GAB2: variants seen among roughly 807,000 people sequenced by gnomAD.
The protein encoded by GAB2 is GRB2 associated binding protein 2.
Under a neutral mutation model 65.5 loss-of-function variants are expected in GAB2, and 26 were observed. The observed-to-expected ratio is 0.40, with a 90% CI of 0.29 to 0.55. The LOEUF is 0.55. Among genes scored for constraint, GAB2 ranks in the 20% least tolerant of loss-of-function variants. GAB2 has a pLI of 0.53. For missense variants in GAB2, 884 were observed against 875.8 expected (o/e 1.01, Z -0.12); for synonymous variants, 321 against 329.6 (o/e 0.97, Z 0.28).
intron 1 of GAB2, among the ~76,000 whole-genome samples, chr11:78,380,197 T>C (rs571811992): frequency 1.4e-5 from 2 of 142,392 alleles, no homozygotes; most frequent in South Asian, 2.3e-4. Flanking sequence ...TAATTGTGAA[T>C]GACATTGAAT....
At chr11:78,293,059 A>G (rs1410604458) in intron 1 of GAB2, among the ~76,000 whole-genome samples, 2 of 152,234 alleles carry the variant, frequency 1.3e-5, no homozygotes, top group Non-Finnish European at 2.9e-5. Context: ...GAGTTTATGA[A>G]TTCAAGTTTA....
rs1338615542 is a variant in GAB2 at position 78,344,873 on chromosome 11, T to A, written c.76-63972A>T. On this transcript the variant is annotated intron_variant, in intron 1 of 9. Transcript: ENST00000361507. ...TGAAAATCTAGGAAGACAAAGGGTC[T>A]AATGTCTTGGTGGCACAAAAGTGGT... 2.6e-5 allele frequency among the ~76,000 whole-genome samples: 4 copies of A among 152,228 alleles called. No homozygotes were observed. The East Asian group carries it at 7.7e-4, about 29-fold the overall frequency.
intron 1 of GAB2, among the ~76,000 whole-genome samples, chr11:78,338,172 G>A (rs1460923089): frequency 6.6e-6 from 1 of 152,188 alleles, no homozygotes; most frequent in African/African-American, 2.4e-5. Context: ...TCAATTCAAT[G>A]CCAGACACTG....
intron 3 of GAB2, among the ~76,000 whole-genome samples, chr11:78,237,959 T>A (rs1340784245): frequency 6.6e-6 from 1 of 152,146 alleles, no homozygotes; most frequent in Non-Finnish European, 1.5e-5. Context: ...TTCTCACTTA[T>A]AAGTGGGAGC....
intron 1 of GAB2, among the ~76,000 whole-genome samples, chr11:78,282,456 C>G (rs1866362267): frequency 6.6e-6 from 1 of 151,892 alleles, no homozygotes; most frequent in Non-Finnish European, 1.5e-5. Flanking sequence ...TTACAGATGC[C>G]CACCACCACA....
intron 1 of GAB2, among the ~76,000 whole-genome samples, chr11:78,294,583 T>C (rs1866773855): frequency 6.6e-6 from 1 of 152,148 alleles, no homozygotes; most frequent in Non-Finnish European, 1.5e-5. Context: ...ACCTGTTGTT[T>C]CCTGATTTTT....
At chr11:78,391,966 T>C (rs1282148900) in intron 1 of GAB2, among the ~76,000 whole-genome samples, 1 of 152,062 alleles carries the variant, frequency 6.6e-6, no homozygotes, top group African/African-American at 2.4e-5. Context: ...ACTGCCTGGG[T>C]GCAGTAGCTC....
At chr11:78,311,609 C>T (rs1855500837) in intron 1 of GAB2, among the ~76,000 whole-genome samples, 1 of 152,186 alleles carries the variant, frequency 6.6e-6, no homozygotes, top group Admixed American at 6.5e-5. Flanking sequence ...GCCACTATAA[C>T]ATAACAACAA....
At chr11:78,342,008 G>C (rs1319089675) in intron 1 of GAB2, 1 of 333,198 alleles carries the variant, frequency 3.0e-6, no homozygotes, top group Non-Finnish European at 4.3e-6. Context: ...ACAACAAACT[G>C]TGCCTAATGA....
intron 1 of GAB2, among the ~76,000 whole-genome samples, chr11:78,397,873 A>G (rs537785699): frequency 6.6e-6 from 1 of 152,192 alleles, no homozygotes; most frequent in Non-Finnish European, 1.5e-5. Flanking sequence ...TAGCCTCAAT[A>G]AGTTATAGTC....
At chr11:78,240,195 TC>T (rs1865089391) in intron 3 of GAB2, among the ~76,000 whole-genome samples, 1 of 151,968 alleles carries the variant, frequency 6.6e-6, no homozygotes, top group African/African-American at 2.4e-5. Context: ...GTGCACTGAC[TC>T]CCCAGAATGA....
In GAB2 at chr11:78,412,138, CA is replaced by C. The variant is rs199965865; in HGVS notation, c.75+5507del. ...GGGTAACAAGAGCAAAACTCCATCT[CA>C]AAAAAAAAAAACCTATATATAAAAT... On this transcript the variant is annotated intron_variant, in intron 1 of 9. Coordinates refer to ENST00000361507, the MANE Select transcript of GAB2 (RefSeq NM_080491.3). 7.5e-3 allele frequency among the ~76,000 whole-genome samples: 1,053 copies of C among 139,934 alleles called. 10 individuals are homozygous for C. The highest frequency in any genetic ancestry group is 0.024 in the African/African-American group (926 of 37,956). The allele number at this position is 139,934 out of a possible 152,430, so 91.8% of individuals were successfully genotyped here. A position where few individuals can be genotyped will look rare whatever the true frequency, so the allele number is the denominator to read the frequency against.
chr11:78,265,248 T>C (rs548327967), intron 2 of GAB2, among the ~76,000 whole-genome samples: 15 of 149,216 alleles, frequency 1.0e-4, no homozygotes, highest in African/African-American at 3.4e-4. Context: ...AATCATAAAG[T>C]GATTTTTATA....
At chr11:78,231,172 A>G (rs974183731) in intron 3 of GAB2, among the ~76,000 whole-genome samples, 2 of 152,234 alleles carry the variant, frequency 1.3e-5, no homozygotes, top group Non-Finnish European at 2.9e-5. Flanking sequence ...ACAAGCACGT[A>G]TGGGAGCTCC....
chr11:78,225,159 C>T lies in GAB2; in HGVS notation c.1251G>A (p.Glu417=). 1.9e-6 allele frequency: 3 copies of T among 1,613,816 alleles called. No individual in the cohort carries two copies. The highest frequency in any genetic ancestry group is 1.7e-5 in the Admixed American group (1 of 60,028). The change falls in exon 5 of 10, where the codon GAG becomes GAA. Residue 417 remains glutamate, a synonymous_variant. Transcript: ENST00000361507. ...ETYEYPQRGG[E]SAGRSAESMS... is the part of the protein sequence containing the mutation. Reference sequence around the variant, plus strand: ...TGGATTCAGCAGACCGGCCTGCACTCTCTCCACCACGCTGTGGGTACTCGT... The same window carrying T: ...TGGATTCAGCAGACCGGCCTGCACTTTCTCCACCACGCTGTGGGTACTCGT...
chr11:78,385,909 C>T (rs1856759699), intron 1 of GAB2, among the ~76,000 whole-genome samples: 1 of 152,138 alleles, frequency 6.6e-6, no homozygotes, highest in African/African-American at 2.4e-5. Context: ...TCATGCCTAG[C>T]ACAAGACTGA....
intron 2 of GAB2, among the ~76,000 whole-genome samples, chr11:78,266,812 G>A (rs1332040798): frequency 1.3e-5 from 2 of 152,212 alleles, no homozygotes; most frequent in Non-Finnish European, 2.9e-5. Context: ...ACTGAAAGCA[G>A]GTCCATGTCT....
chr11:78,304,654 G>A (rs1029669700), intron 1 of GAB2, among the ~76,000 whole-genome samples: 4 of 152,194 alleles, frequency 2.6e-5, no homozygotes, highest in Non-Finnish European at 4.4e-5. Flanking sequence ...TTAGCCCTCA[G>A]AGAAACTGTA....
intron 3 of GAB2, among the ~76,000 whole-genome samples, chr11:78,228,064 G>T (rs1864737686): frequency 6.6e-6 from 1 of 152,194 alleles, no homozygotes; most frequent in Non-Finnish European, 1.5e-5. Context: ...GGAGACTTGT[G>T]TTAGGTTCCA....
Sources: allele counts gnomAD v4.1 joint callset (sites outside exome capture counted in the v4.1 genomes callset), GRCh38; gene constraint gnomAD v4.1.1; transcripts MANE v1.5; gene names NCBI Gene and HGNC (gene_info 2026-07-23, HGNC 2026-07-21).